DENND6A: variants seen among roughly 807,000 people sequenced by gnomAD.
The protein encoded by DENND6A is protein DENND6A.
Under a neutral mutation model 95.5 loss-of-function variants are expected in DENND6A, and 43 were observed. The observed-to-expected ratio is 0.45, with a 90% CI of 0.35 to 0.58. DENND6A has a LOEUF of 0.58. DENND6A is among the 20% of genes least tolerant of loss of function. The pLI, the probability that DENND6A is intolerant of heterozygous loss-of-function variation, is 0.00. For synonymous variants in DENND6A, 257 were observed against 260.4 expected (o/e 0.99, Z 0.13); for missense variants, 574 against 736.0 (o/e 0.78, Z 2.55).
chr3:57,634,876 T>C, intron 12 of DENND6A, 107 bp from the exon 13 acceptor site: 2 of 915,172 alleles, frequency 2.2e-6, no homozygotes, highest in South Asian at 2.8e-5. Flanking sequence ...TATGTTATAA[T>C]GAAAGGATTC....
In DENND6A at chr3:57,646,359, G is replaced by A. The variant is rs140503507; in HGVS notation, c.898C>T (p.Pro300Ser). 1 of 1,614,002 alleles carries A rather than the reference G, an allele frequency of 6.2e-7. No individual in the cohort carries two copies. The highest frequency in any genetic ancestry group is 1.7e-5 in the Admixed American group (1 of 60,004). Reference protein sequence around the residue: ...LLGEPLVVMAPSPSESSETVL... With the variant: ...LLGEPLVVMASSPSESSETVL... ...GTCTCTGATGATTCCGATGGTGATG[G>A]CGCCATAACCACAAGGGGCTCCCCC... The change falls in exon 10 of 20, where the codon CCA becomes TCA. Residue 300 changes from proline to serine, a missense_variant. Coordinates refer to ENST00000311128, the MANE Select transcript of DENND6A (RefSeq NM_152678.3).
chr3:57,676,117 C>A (rs931722277), intron 1 of DENND6A, among the ~76,000 whole-genome samples: 1 of 151,972 alleles, frequency 6.6e-6, no homozygotes, highest in Non-Finnish European at 1.5e-5. Context: ...ATGGCTCATA[C>A]CTGTAATCCT....
At chr3:57,681,066 T>C (rs1478796241) in intron 1 of DENND6A, among the ~76,000 whole-genome samples, 1 of 152,182 alleles carries the variant, frequency 6.6e-6, no homozygotes, top group Non-Finnish European at 1.5e-5. Context: ...AAAACACATG[T>C]TCACACAAAA....
At chr3:57,629,673 G>A (rs1428136315) in intron 18 of DENND6A, among the ~76,000 whole-genome samples, 3 of 149,728 alleles carry the variant, frequency 2.0e-5, no homozygotes, top group Non-Finnish European at 4.4e-5. Context: ...CACCACGCCC[G>A]GCTAATTTTT....
At chr3:57,684,023 G>A (rs994497370) in intron 1 of DENND6A, among the ~76,000 whole-genome samples, 4 of 151,840 alleles carry the variant, frequency 2.6e-5, no homozygotes, top group African/African-American at 9.7e-5. Context: ...TGTGGTGGTG[G>A]GCACCTGTAA....
chr3:57,664,807 T>TG (rs148127319), intron 4 of DENND6A, among the ~76,000 whole-genome samples: 1 of 152,070 alleles, frequency 6.6e-6, no homozygotes, highest in Admixed American at 6.6e-5. Context: ...CACTCCAGCC[T>TG]GGTGACAGAG....
chr3:57,661,654 A>C (rs1021252330), intron 5 of DENND6A, 103 bp from the exon 6 acceptor site: 5 of 897,314 alleles, frequency 5.6e-6, no homozygotes, highest in Admixed American at 3.5e-5. Flanking sequence ...GTGGATTTTA[A>C]AATAAAAAGG....
intron 11 of DENND6A, among the ~76,000 whole-genome samples, chr3:57,644,023 ACCTGTAATCCCAG>A (rs148436744): frequency 0.025 from 3,701 of 145,918 alleles, 70 homozygotes; most frequent in Non-Finnish European, 0.033. Flanking sequence ...GATAGTGTGC[ACCTGTAATCCCAG>A]CTACTTGGGA....
intron 11 of DENND6A, among the ~76,000 whole-genome samples, chr3:57,644,229 T>A (rs957463790): frequency 6.6e-6 from 1 of 151,588 alleles, no homozygotes; most frequent in African/African-American, 2.4e-5. Context: ...TTTAAGGGAT[T>A]CGTAGAGAAA....
At chr3:57,649,644 AT>A (rs1434027425) in intron 9 of DENND6A, among the ~76,000 whole-genome samples, 12 of 126,972 alleles carry the variant, frequency 9.5e-5, no homozygotes, top group Admixed American at 3.9e-4. Context: ...AAAAAAAAAT[AT>A]ATATATATAT....
At chr3:57,668,309 G>A (rs189536709) in intron 3 of DENND6A, among the ~76,000 whole-genome samples, 1 of 152,278 alleles carries the variant, frequency 6.6e-6, no homozygotes, top group East Asian at 1.9e-4. Context: ...AATATTGTCT[G>A]CATGTCAAGT....
At chr3:57,628,431 G>T (rs1559800801) in intron 19 of DENND6A, 86 bp from the exon 20 acceptor site, 1 of 1,479,060 alleles carries the variant, frequency 6.8e-7, no homozygotes, top group South Asian at 1.4e-5. Context: ...CATTTTAAAG[G>T]TCTAACAATT....
intron 1 of DENND6A, among the ~76,000 whole-genome samples, chr3:57,678,983 A>AG (rs2077134289): frequency 1.3e-5 from 2 of 152,236 alleles, no homozygotes; most frequent in African/African-American, 4.8e-5. Flanking sequence ...ACACACCTGT[A>AG]ATCACAGCTA....
intron 3 of DENND6A, 136 bp from the exon 4 acceptor site, chr3:57,666,371 A>G (rs1429530843): frequency 2.8e-6 from 2 of 706,348 alleles, no homozygotes; most frequent in African/African-American, 3.7e-5. Flanking sequence ...AAAAAAGAAA[A>G]TCCTAAGAGT....
At chr3:57,689,096 A>G (rs1219076817) in intron 1 of DENND6A, among the ~76,000 whole-genome samples, 1 of 151,976 alleles carries the variant, frequency 6.6e-6, no homozygotes, top group Admixed American at 6.6e-5. Flanking sequence ...CTGGGACTAC[A>G]GGTGTATGCC....
chr3:57,692,775 G>A lies in DENND6A; in HGVS notation c.237+7C>T. 1.3e-6 allele frequency: 2 copies of A among 1,501,722 alleles called. No individual in the cohort carries two copies. Among genetic ancestry groups the A allele is most frequent in the Admixed American group, 2.4e-5 (1 of 42,512 alleles). 93.0% of individuals were successfully genotyped at this position (1,501,722 alleles called of 1,614,324 possible). ...GAGCGCCGAGAAAGGGCGGGGCCGG[G>A]CCTCACCTCCACGGCCTGGCCCAGC... On this transcript the variant is annotated splice_region_variant and intron_variant, in intron 1 of 19. Coordinates refer to ENST00000311128, the MANE Select transcript of DENND6A (RefSeq NM_152678.3).
chr3:57,687,620 C>G (rs1252785412), intron 1 of DENND6A, among the ~76,000 whole-genome samples: 2 of 152,080 alleles, frequency 1.3e-5, no homozygotes, highest in Non-Finnish European at 2.9e-5. Flanking sequence ...AAGTCAATAC[C>G]TGGCTTCAAA....
At position 57,640,254 on chromosome 3, in the gene DENND6A, G is replaced by C. The variant is rs184981416; in HGVS notation, c.1132+1399C>G. Among the ~76,000 whole-genome samples, 23 of 148,156 alleles carry C rather than the reference G, an allele frequency of 1.6e-4. No individual in the cohort carries two copies. In the East Asian group the frequency reaches 4.2e-3, roughly 27 times the overall value. ...ACTGCACTCCAGCCTGGGTGACAGA[G>C]TGAGACTCTGTCTCAAAAAAAAAAA... On this transcript the variant is annotated intron_variant, in intron 12 of 19. Transcript: ENST00000311128.
At position 57,645,643 on chromosome 3, in the gene DENND6A, G is replaced by C. The variant is rs1361352509; in HGVS notation, c.1037+18C>G. ...TTATAAAGGTAATACCTGGTCAATA[G>C]AAGTTATTTTTACTTACGGAGCTTG... On this transcript the variant is annotated intron_variant, in intron 11 of 19. Transcript: ENST00000311128. 6.4e-7 allele frequency: 1 copy of C among 1,573,412 alleles called. No homozygotes were observed. Among genetic ancestry groups the C allele is most frequent in the Non-Finnish European group, 8.7e-7 (1 of 1,147,180 alleles).
Sources: gnomAD v4.1 joint callset for allele counts (sites outside exome capture counted in the v4.1 genomes callset) on GRCh38, gnomAD v4.1.1 for gene constraint, MANE v1.5 for transcripts, NCBI Gene and HGNC (gene_info 2026-07-23, HGNC 2026-07-21) for gene names.